SCAMP2: variants seen among roughly 807,000 people sequenced by gnomAD.
SCAMP2 encodes the protein secretory carrier membrane protein 2.
A neutral mutation model predicts 44.1 loss-of-function variants in SCAMP2; 25 were observed. The ratio of observed to expected loss-of-function variants is 0.57; its 90% CI spans 0.41 to 0.79. SCAMP2 has a LOEUF of 0.79. SCAMP2 is among the 30% of genes least tolerant of loss of function. The probability of loss-of-function intolerance (pLI) is 0.00; values close to 1 mark genes in which losing one functional copy is unlikely to be tolerated. For synonymous variants in SCAMP2, 156 were observed against 166.0 expected (o/e 0.94, Z 0.46); for missense variants, 355 against 411.0 (o/e 0.86, Z 1.18).
chr15:74,849,509 C>T (rs1021873716), intron 6 of SCAMP2, among the ~76,000 whole-genome samples: 2 of 151,814 alleles, frequency 1.3e-5, no homozygotes, highest in Non-Finnish European at 2.9e-5. Context: ...TTTGGGAGGC[C>T]GAGACAGGTG....
At chr15:74,863,579 T>G (rs922977480) in intron 1 of SCAMP2, among the ~76,000 whole-genome samples, 9 of 151,720 alleles carry the variant, frequency 5.9e-5, no homozygotes, top group Non-Finnish European at 1.2e-4. Flanking sequence ...GGCTGCAATG[T>G]GTGGAACCCT....
chr15:74,849,060 A>G (rs1048652806), intron 6 of SCAMP2, among the ~76,000 whole-genome samples: 5 of 151,902 alleles, frequency 3.3e-5, no homozygotes, highest in South Asian at 2.1e-4. Flanking sequence ...TCTCAGAAAA[A>G]TAAGTAAATA....
chr15:74,851,810 A>C, intron 4 of SCAMP2: 1 of 455,990 alleles, frequency 2.2e-6, no homozygotes, highest in Non-Finnish European at 3.9e-6. Context: ...TGTGGGACCA[A>C]AGCCCCTATG....
intron 1 of SCAMP2, among the ~76,000 whole-genome samples, chr15:74,864,714 A>T (rs2064530917): frequency 6.6e-6 from 1 of 152,128 alleles, no homozygotes; most frequent in Non-Finnish European, 1.5e-5. Flanking sequence ...GACCTTCCTC[A>T]CATCAATCCC....
At chr15:74,853,205 C>G (rs902317634) in intron 3 of SCAMP2, 1 of 325,824 alleles carries the variant, frequency 3.1e-6, no homozygotes. Context: ...GTGACGCCAG[C>G]TGAGAAGGAC....
At position 74,873,352 on chromosome 15, in the gene SCAMP2, G is replaced by C. The variant is rs1484766242; in HGVS notation, c.-97C>G. ...GTGTAGACCCTCCACTTCCGGGAGCGAGGCAGCGGTTCTGGCGCAGGCGCG... is the reference window on the plus strand; with the variant it reads ...GTGTAGACCCTCCACTTCCGGGAGCCAGGCAGCGGTTCTGGCGCAGGCGCG... On this transcript the variant is annotated 5_prime_UTR_variant, in exon 1 of 9. Coordinates refer to ENST00000268099, the MANE Select transcript of SCAMP2 (RefSeq NM_005697.5). 4.2e-6 allele frequency: 5 copies of C among 1,179,416 alleles called. No homozygotes were observed. Among genetic ancestry groups the C allele is most frequent in the Admixed American group, 3.8e-5 (1 of 26,180 alleles). The allele number at this position is 1,179,416 out of a possible 1,614,324, so 73.1% of individuals were successfully genotyped here.
chr15:74,854,627 G>C lies in SCAMP2; in HGVS notation c.80C>G (p.Thr27Ser). 1 of 1,609,274 alleles carries C rather than the reference G, an allele frequency of 6.2e-7. No individual in the cohort carries two copies. The highest frequency in any genetic ancestry group is 8.5e-7 in the Non-Finnish European group (1 of 1,177,866). ...PFQDPSVTQLTNAPQGGLAEF... is the reference protein window; with the variant it reads ...PFQDPSVTQLSNAPQGGLAEF... The stretch of plus-strand genomic sequence containing the variant: ...CGCCAGGCCGCCCTGCGGGGCGTTG[G>C]TCAGCTGGGTCACAGAGGGATCCTG... Residue 27 changes from threonine (T) to serine (S), a missense_variant, in exon 2 of 9, where the codon ACC (threonine) becomes AGC (serine). Coordinates refer to ENST00000268099, the MANE Select transcript of SCAMP2 (RefSeq NM_005697.5).
intron 7 of SCAMP2, among the ~76,000 whole-genome samples, chr15:74,847,524 G>C (rs1387122309): frequency 6.6e-6 from 1 of 152,224 alleles, no homozygotes; most frequent in Non-Finnish European, 1.5e-5. Flanking sequence ...ATTAACAACA[G>C]CAGGGCAAGA....
intron 5 of SCAMP2, among the ~76,000 whole-genome samples, chr15:74,850,926 C>G (rs2064431310): frequency 6.6e-6 from 1 of 152,174 alleles, no homozygotes; most frequent in Admixed American, 6.5e-5. Context: ...AGGGAGGATG[C>G]AGACCCAGGG....
intron 1 of SCAMP2, among the ~76,000 whole-genome samples, chr15:74,865,451 G>A (rs1160871109): frequency 6.6e-6 from 1 of 150,826 alleles, no homozygotes; most frequent in African/African-American, 2.4e-5. Context: ...TGTGGGAGAG[G>A]AGGAACAGGT....
In SCAMP2 at chr15:74,850,502, G is replaced by A. The variant is rs568434629; in HGVS notation, c.632+12C>T. 603 of 1,613,122 alleles carry A rather than the reference G, an allele frequency of 3.7e-4. 5 individuals carry two copies. The South Asian group carries it at 5.0e-3, about 13-fold the overall frequency. ...GCCATAAAGTCTCACCCCTTGCCCC[G>A]GCCTCACTCACCTAAAGGCCTTATA... On this transcript the variant is annotated intron_variant, in intron 6 of 8. Transcript: ENST00000268099.
intron 1 of SCAMP2, among the ~76,000 whole-genome samples, chr15:74,859,537 T>TG (rs1162502860): frequency 6.7e-6 from 1 of 148,414 alleles, no homozygotes; most frequent in Non-Finnish European, 1.5e-5. Context: ...TCCACATAGC[T>TG]GGGGGGTAAA....
intron 5 of SCAMP2, 121 bp downstream of exon 5, chr15:74,851,232 C>T (rs1009640776): frequency 3.4e-6 from 4 of 1,188,562 alleles, no homozygotes; most frequent in Admixed American, 2.1e-5. Flanking sequence ...AGCCCAGGCA[C>T]TGAGGAAGGC....
At chr15:74,856,989 C>T (rs17336243) in intron 1 of SCAMP2, among the ~76,000 whole-genome samples, 7,157 of 152,288 alleles carry the variant, frequency 0.047, 249 homozygotes, top group Middle Eastern at 0.12. Flanking sequence ...TCACCATGAT[C>T]CTAGGACCCA....
intron 7 of SCAMP2, among the ~76,000 whole-genome samples, chr15:74,848,096 C>A (rs948021590): frequency 1.3e-5 from 2 of 148,514 alleles, no homozygotes; most frequent in African/African-American, 5.0e-5. Context: ...GATACAGGAT[C>A]TCACTCTGTC....
At chr15:74,864,150 T>C (rs536996161) in intron 1 of SCAMP2, among the ~76,000 whole-genome samples, 2 of 152,238 alleles carry the variant, frequency 1.3e-5, no homozygotes, top group South Asian at 2.1e-4. Context: ...CAACATCCGC[T>C]TCCCAGGTTC....
intron 1 of SCAMP2, among the ~76,000 whole-genome samples, chr15:74,868,861 G>GA (rs1478216172): frequency 1.3e-5 from 2 of 152,238 alleles, no homozygotes; most frequent in East Asian, 3.9e-4. Flanking sequence ...GTGAATCTTT[G>GA]AAAAAACAAA....
chr15:74,851,493 A>G lies in SCAMP2; in HGVS notation c.344-12T>C. The G allele has an allele frequency of 6.2e-7, 1 of 1,613,206 alleles. No homozygotes were observed. The highest frequency in any genetic ancestry group is 2.2e-5 in the East Asian group (1 of 44,866). On this transcript the variant is annotated splice_polypyrimidine_tract_variant and intron_variant, in intron 4 of 8. Transcript: ENST00000268099. ...GTTGTTCTGTCTCACTGGGTAGGGC[A>G]AAAAGAGTGACGAGGTAAGGGCCCA...
chr15:74,854,724 G>A (rs549822799), intron 1 of SCAMP2, 75 bp from the exon 2 acceptor site: 230 of 1,343,410 alleles, frequency 1.7e-4, no homozygotes, highest in Admixed American at 8.7e-4. Context: ...AGCCGGTGAC[G>A]CCTGACTGAA....
Sources: allele counts gnomAD v4.1 joint callset (sites outside exome capture counted in the v4.1 genomes callset), GRCh38; gene constraint gnomAD v4.1.1; transcripts MANE v1.5; gene names NCBI Gene and HGNC (gene_info 2026-07-23, HGNC 2026-07-21).